Variants in RAD51B observed in about 807,000 individuals in gnomAD.
RAD51B encodes the protein DNA repair protein RAD51 homolog 2.
In RAD51B, 38 loss-of-function variants were observed where a neutral mutation model predicts 42.2. The observed-to-expected ratio is 0.90, with a 90% CI of 0.70 to 1.18. The LOEUF is 1.18. Among genes scored for constraint, RAD51B ranks in the 50% most tolerant of loss-of-function variants. RAD51B has a pLI of 0.00. For synonymous variants in RAD51B, 154 were observed against 145.2 expected, an observed-to-expected ratio of 1.06 and a Z score of -0.43; for missense variants, 373 against 400.7, an observed-to-expected ratio of 0.93 and a Z score of 0.59.
intron 11 of RAD51B, among the ~76,000 whole-genome samples, chr14:68,662,272 C>G (rs1326434883): frequency 6.6e-6 from 1 of 152,242 alleles, no homozygotes; most frequent in Non-Finnish European, 1.5e-5. Flanking sequence ...CTGCCCCATC[C>G]CGGGCATGTA....
At chr14:68,323,147 C>T (rs1566808340) in intron 8 of RAD51B, among the ~76,000 whole-genome samples, 1 of 152,154 alleles carries the variant, frequency 6.6e-6, no homozygotes, top group Non-Finnish European at 1.5e-5. Context: ...GACCCAAAGA[C>T]AGGAGCGCCC....
chr14:68,595,574 T>A (rs1003332324), exon 11 of RAD51B: 46 of 1,066,510 alleles, frequency 4.3e-5, no homozygotes, highest in Non-Finnish European at 5.0e-5. Context: ...AAGGACTAAG[T>A]GACTTATGAC....
chr14:68,441,423 T>G (rs2085284657), intron 9 of RAD51B, among the ~76,000 whole-genome samples: 1 of 140,478 alleles, frequency 7.1e-6, no homozygotes, highest in African/African-American at 2.6e-5. Context: ...GCACCTGTAG[T>G]CCCAGCTACT....
chr14:68,074,831 T>A (rs1403922596), intron 7 of RAD51B, among the ~76,000 whole-genome samples: 1 of 152,208 alleles, frequency 6.6e-6, no homozygotes, highest in Non-Finnish European at 1.5e-5. Flanking sequence ...TGGGCTATGA[T>A]CCAGTAGATG....
chr14:68,530,675 T>A (rs147105411), intron 10 of RAD51B, among the ~76,000 whole-genome samples: 36 of 152,150 alleles, frequency 2.4e-4, no homozygotes, highest in African/African-American at 7.9e-4. Context: ...AAGAGCCGAT[T>A]TAAAAGAAAG....
chr14:68,111,835 A>G (rs1208910907), intron 7 of RAD51B, among the ~76,000 whole-genome samples: 1 of 152,070 alleles, frequency 6.6e-6, no homozygotes, highest in East Asian at 1.9e-4. Flanking sequence ...GGTGATAAGT[A>G]TTACATTATT....
intron 8 of RAD51B, among the ~76,000 whole-genome samples, chr14:68,298,190 A>AG (rs79028994): frequency 0.57 from 87,183 of 151,996 alleles, 25,882 homozygotes; most frequent in Admixed American, 0.67. Flanking sequence ...ATATTATGTG[A>AG]GTAGGGGAGG....
intron 10 of RAD51B, among the ~76,000 whole-genome samples, chr14:68,492,364 G>A (rs1480643802): frequency 6.6e-6 from 1 of 152,218 alleles, no homozygotes; most frequent in African/African-American, 2.4e-5. Flanking sequence ...CTGGAGGGCA[G>A]CCGTCTTTGA....
chr14:68,468,881 T>C (rs527502024), intron 10 of RAD51B, among the ~76,000 whole-genome samples: 1 of 152,334 alleles, frequency 6.6e-6, no homozygotes, highest in South Asian at 2.1e-4. Flanking sequence ...CTCACTGATC[T>C]ACAATGGTGA....
At chr14:68,219,657 C>T (rs1319962663) in intron 7 of RAD51B, among the ~76,000 whole-genome samples, 1 of 152,140 alleles carries the variant, frequency 6.6e-6, no homozygotes, top group Non-Finnish European at 1.5e-5. Context: ...CCTAAGGGAG[C>T]ACCCCGTGTC....
intron 5 of RAD51B, among the ~76,000 whole-genome samples, chr14:67,867,077 T>C (rs1213783725): frequency 3.9e-5 from 6 of 152,168 alleles, no homozygotes; most frequent in Non-Finnish European, 8.8e-5. Context: ...TAGGGCCAAG[T>C]AGAATAAAAA....
downstream of RAD51B, among the ~76,000 whole-genome samples, chr14:68,482,176 G>GGTGTGTGTGTGTGTGTGTGT (rs66768673): frequency 1.7e-4 from 26 of 149,802 alleles, 1 homozygote; most frequent in Admixed American, 1.7e-3. Flanking sequence ...ATATTTTAGG[G>GGTGTGTGTGTGTGTGTGTGT]GTGTGTGTGT....
At chr14:68,210,980 A>G (rs1349534458) in intron 7 of RAD51B, among the ~76,000 whole-genome samples, 2 of 152,184 alleles carry the variant, frequency 1.3e-5, no homozygotes, top group Admixed American at 6.5e-5. Context: ...TACTAACAGA[A>G]TGGTTTCACT....
intron 4 of RAD51B, 137 bp downstream of exon 4, chr14:67,835,333 C>A: frequency 1.5e-6 from 1 of 683,804 alleles, no homozygotes; most frequent in Non-Finnish European, 2.5e-6. Context: ...GGATATGGTT[C>A]TCCACTCAGT....
chr14:68,000,341 C>T (rs2075458694), intron 7 of RAD51B: 1 of 152,060 alleles, frequency 6.6e-6, no homozygotes, highest in African/African-American at 2.4e-5. Context: ...CTTTCTTGCC[C>T]TGTAAAAATT....
At chr14:68,541,546 A>C in intron 10 of RAD51B, 1 of 985,448 alleles carries the variant, frequency 1.0e-6, no homozygotes, top group Non-Finnish European at 1.2e-6. Context: ...TCAGAGGGGA[A>C]AGTTGAGTCT....
chr14:68,122,319 C>T (rs2077666083), intron 7 of RAD51B, among the ~76,000 whole-genome samples: 3 of 152,086 alleles, frequency 2.0e-5, no homozygotes, highest in Admixed American at 2.0e-4. Context: ...AGATATTTCA[C>T]ATGTATCACA....
chr14:68,039,412 G>A (rs2076183456), intron 7 of RAD51B, among the ~76,000 whole-genome samples: 1 of 139,904 alleles, frequency 7.1e-6, no homozygotes, highest in South Asian at 2.2e-4. Context: ...TGGTGACAGA[G>A]CGAGACTTCA....
intron 7 of RAD51B, among the ~76,000 whole-genome samples, chr14:68,106,498 C>T (rs1165094313): frequency 3.3e-5 from 5 of 151,870 alleles, no homozygotes; most frequent in Admixed American, 3.3e-4. Context: ...CCATATTCAA[C>T]AATGTCAAGT....
Sources: allele counts gnomAD v4.1 joint callset (sites outside exome capture counted in the v4.1 genomes callset), GRCh38; gene constraint gnomAD v4.1.1; transcripts MANE v1.5; gene names NCBI Gene and HGNC (gene_info 2026-07-23, HGNC 2026-07-21).